The following LY75 variants were observed in gnomAD, a reference collection of about 807,000 sequenced individuals.
LY75 encodes the protein lymphocyte antigen 75.
Under a neutral mutation model 231.7 loss-of-function variants are expected in LY75, and 185 were observed. That is an observed-to-expected ratio of 0.80 (90% confidence interval 0.71 to 0.90). The LOEUF is 0.90. Ranked by LOEUF, LY75 falls within the 40% of genes least tolerant of loss-of-function variation. The pLI, the probability that LY75 is intolerant of heterozygous loss-of-function variation, is 0.00. For missense variants in LY75, 1,947 were observed against 2,050.2 expected (o/e 0.95, Z 0.97); for synonymous variants, 668 against 689.0 (o/e 0.97, Z 0.48).
rs1429942551 is a variant in LY75 at position 159,850,363 on chromosome 2, T to G, written c.2988A>C (p.Gln996His). 1 of 1,613,598 alleles carries G rather than the reference T, an allele frequency of 6.2e-7. No individual in the cohort carries two copies. Among genetic ancestry groups the G allele is most frequent in the South Asian group, 1.1e-5 (1 of 91,054 alleles). Residue 996 changes from glutamine to histidine, a missense_variant and splice_region_variant, in exon 22 of 35, where the codon CAA becomes CAC. Transcript: ENST00000263636. ...TLPSVLSQIE[Q>H]DFITSLLPDM... Reference sequence around the variant, plus strand: ...ATGTTTCCCAAATAATTCCAGTACCTTGTTCAATCTGGCTCAACACTGAAG... The same window carrying G: ...ATGTTTCCCAAATAATTCCAGTACCGTGTTCAATCTGGCTCAACACTGAAG...
chr2:159,872,058 T>C (rs1304912351), intron 13 of LY75: 2 of 158,682 alleles, frequency 1.3e-5, no homozygotes, highest in Non-Finnish European at 2.8e-5. Flanking sequence ...CTCCTTCTCC[T>C]TCTCCTATCT....
chr2:159,828,086 C>T lies in LY75; in HGVS notation c.3958+3584G>A, dbSNP rs556462450. ...AAAACTGCACGTTCTACACATGTAC[C>T]CCAGAACTTAAAGTACAATAAAAAA... is the stretch of plus-strand genomic sequence containing the variant. On this transcript the variant is annotated intron_variant, in intron 28 of 34. Transcript: ENST00000263636. 2.1e-3 allele frequency among the ~76,000 whole-genome samples: 313 copies of T among 151,034 alleles called. 1 individual carries two copies. Among genetic ancestry groups the T allele is most frequent in the Non-Finnish European group, 3.8e-3 (255 of 67,868 alleles).
chr2:159,854,587 T>C, intron 17 of LY75, 52 bp from the exon 18 acceptor site: 1 of 1,571,598 alleles, frequency 6.4e-7, no homozygotes. Flanking sequence ...AAGCAAACTG[T>C]GTCCTCTAAG....
chr2:159,846,191 T>C (rs1309758882), intron 23 of LY75, among the ~76,000 whole-genome samples: 1 of 151,792 alleles, frequency 6.6e-6, no homozygotes, highest in Non-Finnish European at 1.5e-5. Flanking sequence ...TCATATACCA[T>C]GGATGTAACA....
rs776666690 is a variant in LY75 at position 159,852,291 on chromosome 2, T to C, written c.2793A>G (p.Glu931=). 6.2e-7 allele frequency: 1 copy of C among 1,614,092 alleles called. No individual in the cohort carries two copies. The highest frequency in any genetic ancestry group is 2.2e-5 in the East Asian group (1 of 44,868). ...TCTCTAACGAAGAAACATTATATTT[T>C]TCACAGATGAAGGGCAACTTGGTAC... The part of the protein sequence containing the change: ...DCSTKLPFIC[E]KYNVSSLEKY... Residue 931 remains glutamate (E), a synonymous_variant, in exon 21 of 35, where the codon GAA becomes GAG. Transcript: ENST00000263636.
intron 20 of LY75, 41 bp from the exon 21 acceptor site, chr2:159,852,381 T>C: frequency 6.3e-7 from 1 of 1,582,932 alleles, no homozygotes; most frequent in South Asian, 1.2e-5. Context: ...TGAGAATTTT[T>C]CAGTCAGTAC....
intron 28 of LY75, among the ~76,000 whole-genome samples, chr2:159,830,699 C>T (rs1683625495): frequency 1.3e-5 from 2 of 150,790 alleles, no homozygotes; most frequent in African/African-American, 2.4e-5. Context: ...AAGTGATTCT[C>T]CTGCCTCAGC....
intron 1 of LY75, among the ~76,000 whole-genome samples, chr2:159,901,282 A>G (rs1338507522): frequency 6.6e-6 from 1 of 152,194 alleles, no homozygotes; most frequent in South Asian, 2.1e-4. Flanking sequence ...CCACAATTCA[A>G]TAGCTACTCA....
chr2:159,896,356 A>G (rs1390863512), intron 2 of LY75, among the ~76,000 whole-genome samples: 1 of 152,228 alleles, frequency 6.6e-6, no homozygotes, highest in Admixed American at 6.5e-5. Context: ...AGTTGGGGTG[A>G]GAGGCAACCC....
At chr2:159,871,143 A>G (rs1324930941) in intron 13 of LY75, among the ~76,000 whole-genome samples, 1 of 152,104 alleles carries the variant, frequency 6.6e-6, no homozygotes, top group East Asian at 1.9e-4. Context: ...TTCAAATAAG[A>G]ATTTACATAT....
intron 25 of LY75, 119 bp from the exon 26 acceptor site, chr2:159,835,764 A>C (rs1013971712): frequency 2.7e-5 from 35 of 1,286,782 alleles, no homozygotes; most frequent in Non-Finnish European, 3.2e-5. Context: ...ACACATTTAC[A>C]TACCATTTAC....
chr2:159,830,179 T>C (rs1358227627), intron 28 of LY75, among the ~76,000 whole-genome samples: 1 of 152,180 alleles, frequency 6.6e-6, no homozygotes, highest in Non-Finnish European at 1.5e-5. Flanking sequence ...CTGCCAACCA[T>C]AAACATTTCA....
chr2:159,835,348 T>C (rs1367232548), intron 26 of LY75, 132 bp downstream of exon 26: 1 of 922,148 alleles, frequency 1.1e-6, no homozygotes, highest in African/African-American at 1.7e-5. Context: ...ACAACAAATG[T>C]TGCCATAAAA....
chr2:159,892,991 C>G (rs1432640649), intron 3 of LY75, among the ~76,000 whole-genome samples: 1 of 152,128 alleles, frequency 6.6e-6, no homozygotes, highest in Non-Finnish European at 1.5e-5. Context: ...CAACTGATCT[C>G]TTTCTTAAAC....
At position 159,835,546 on chromosome 2, in the gene LY75, C is replaced by T; in HGVS notation, c.3607G>A (p.Asp1203Asn). The T allele has an allele frequency of 6.2e-7, 1 of 1,613,340 alleles. No individual in the cohort carries two copies. Among genetic ancestry groups the T allele is most frequent in the South Asian group, 1.1e-5 (1 of 90,840 alleles). Reference protein sequence around the residue: ...QLEDCVVLDTDGFWKTVDCND... With the variant: ...QLEDCVVLDTNGFWKTVDCND... ...CAATCAACTGTTTTCCAGAATCCAT[C>T]AGTGTCTAATACTACACAGTCTTCG... Residue 1203 changes from aspartate to asparagine, a missense_variant, in exon 26 of 35, where the codon GAT becomes AAT. By Grantham distance (23) the Asp-to-Asn change is conservative. Coordinates refer to ENST00000263636, the MANE Select transcript of LY75 (RefSeq NM_002349.4).
chr2:159,879,720 T>C (rs1685379007), intron 8 of LY75, among the ~76,000 whole-genome samples: 1 of 152,166 alleles, frequency 6.6e-6, no homozygotes, highest in Non-Finnish European at 1.5e-5. Flanking sequence ...TAGCCAAAGT[T>C]TGAAACTTTT....
At position 159,853,292 on chromosome 2, in the gene LY75, A is replaced by G. The variant is rs556544675; in HGVS notation, c.2724T>C (p.Ser908=). The G allele has an allele frequency of 1.2e-6, 2 of 1,612,976 alleles. No homozygotes were observed. The highest frequency in any genetic ancestry group is 1.1e-5 in the South Asian group (1 of 90,952). ...VTFGEECLYM[S]AKTWLIDLGK... ...CTTTACCGATAAGCCAAGTCTTGGC[A>G]GACATGTACAAGCATTCCTCTCCAA... Residue 908 remains serine (S), a synonymous_variant, in exon 20 of 35, where the codon TCT becomes TCC. Coordinates refer to ENST00000263636, the MANE Select transcript of LY75 (RefSeq NM_002349.4).
At chr2:159,855,058 T>C (rs2125856967) in intron 16 of LY75, 119 bp from the exon 17 acceptor site, 3 of 1,270,362 alleles carry the variant, frequency 2.4e-6, no homozygotes, top group Non-Finnish European at 3.3e-6. Flanking sequence ...TGTCCATTTC[T>C]GGCCAACCCA....
chr2:159,897,589 G>A (rs1685940957), intron 2 of LY75, among the ~76,000 whole-genome samples: 1 of 152,136 alleles, frequency 6.6e-6, no homozygotes, highest in African/African-American at 2.4e-5. Flanking sequence ...TTGTGCAGAT[G>A]GATAATGGAA....
Sources: allele counts gnomAD v4.1 joint callset (sites outside exome capture counted in the v4.1 genomes callset), GRCh38; gene constraint gnomAD v4.1.1; transcripts MANE v1.5; gene names NCBI Gene and HGNC (gene_info 2026-07-23, HGNC 2026-07-21).